The following RSPH10B variants were observed in gnomAD, a reference collection of about 807,000 sequenced individuals.
RSPH10B encodes radial spoke head 10 homolog B, also known as radial spoke head 10 homolog B (Chlamydomonas).
In RSPH10B, 7 loss-of-function variants were observed where a neutral mutation model predicts 52.5. The observed-to-expected ratio is 0.13, with a 90% CI of 0.08 to 0.25. RSPH10B has a LOEUF of 0.25. Among genes scored for constraint, RSPH10B ranks in the 10% least tolerant of loss-of-function variants. The pLI is 1.00. For missense variants in RSPH10B, 89 were observed against 542.5 expected (o/e 0.16, Z 8.30); for synonymous variants, 28 against 193.2 (o/e 0.14, Z 7.09).
intron 13 of RSPH10B, among the ~76,000 whole-genome samples, chr7:5,942,926 A>ATATT (rs1491308180): frequency 9.2e-5 from 13 of 141,046 alleles, no homozygotes; most frequent in African/African-American, 2.9e-4. Context: ...ATATATATAT[A>ATATT]TTTTTTTTTA....
intron 17 of RSPH10B, among the ~76,000 whole-genome samples, chr7:5,931,849 T>G (rs1322691110): frequency 6.0e-5 from 9 of 150,672 alleles, no homozygotes; most frequent in African/African-American, 1.9e-4. Flanking sequence ...AAATACAAGG[T>G]GCAGTGATGG....
chr7:5,944,879 C>T (rs1780409004), intron 11 of RSPH10B, among the ~76,000 whole-genome samples, 185 bp downstream of exon 13: 3 of 147,616 alleles, frequency 2.0e-5, no homozygotes, highest in Non-Finnish European at 4.5e-5. Context: ...AGAAGAATTG[C>T]TTGAACCGGG....
intron 13 of RSPH10B, among the ~76,000 whole-genome samples, chr7:5,940,488 C>G (rs1248059419): frequency 7.6e-4 from 3 of 3,938 alleles, no homozygotes; most frequent in African/African-American, 2.9e-3. Flanking sequence ...GGAGACAGAG[C>G]AAGACTCCAT....
intron 17 of RSPH10B, among the ~76,000 whole-genome samples, chr7:5,931,894 C>G (rs1217656066): frequency 6.6e-6 from 1 of 151,100 alleles, no homozygotes; most frequent in Non-Finnish European, 1.5e-5. Flanking sequence ...GAGGCTGAGG[C>G]AGGAGAATCA....
At chr7:5,927,068 A>ATTGTG (rs1162615266) in intron 18 of RSPH10B, among the ~76,000 whole-genome samples, 1 of 54,860 alleles carries the variant, frequency 1.8e-5, no homozygotes, top group African/African-American at 8.3e-5. Context: ...GTGTGTGTGT[A>ATTGTG]TATGTGTGTG....
chr7:5,927,096 G>GTGTT (rs1458352331), intron 18 of RSPH10B, among the ~76,000 whole-genome samples: 2 of 140,044 alleles, frequency 1.4e-5, no homozygotes, highest in African/African-American at 2.7e-5. Flanking sequence ...GTGTGTGTGT[G>GTGTT]TATTTTTTTT....
At chr7:5,941,851 G>A (rs189927764) in intron 13 of RSPH10B, among the ~76,000 whole-genome samples, 303 of 146,188 alleles carry the variant, frequency 2.1e-3, no homozygotes, top group African/African-American at 7.2e-3. Flanking sequence ...TTCCTTTTTC[G>A]ATAAACTGTA....
intron 13 of RSPH10B, among the ~76,000 whole-genome samples, chr7:5,942,878 A>G (rs1250277294): frequency 7.1e-6 from 1 of 140,924 alleles, no homozygotes; most frequent in Non-Finnish European, 1.5e-5. Flanking sequence ...AATAAAATTA[A>G]AAATATATAT....
chr7:5,941,329 T>TA (rs1780173826), intron 13 of RSPH10B, among the ~76,000 whole-genome samples: 1 of 141,846 alleles, frequency 7.0e-6, no homozygotes, highest in Admixed American at 7.3e-5. Context: ...TTCCTATAGT[T>TA]AGACACTAGG....
intron 13 of RSPH10B, among the ~76,000 whole-genome samples, chr7:5,942,668 C>T (rs1320891073): frequency 1.3e-5 from 2 of 149,496 alleles, no homozygotes; most frequent in African/African-American, 5.0e-5. Context: ...TCAAGACCAG[C>T]CTGGGCAACA....
rs1256136718 is a variant in RSPH10B, at chr7:5,960,412, C to CA, written c.573+278dup. Among the ~76,000 whole-genome samples the CA allele has an allele frequency of 9.1e-4, 50 of 55,246 alleles. 1 individual carries two copies. Among genetic ancestry groups the CA allele is most frequent in the Non-Finnish European group, 9.1e-4 (23 of 25,336 alleles). The allele number at this position is 55,246 out of a possible 152,430, so 36.2% of individuals were successfully genotyped here. The stretch of plus-strand genomic sequence containing the variant: ...TGGGCGACAGAGCAAGACTCCATCT[C>CA]AAAAAAAAAAAAAATTAATAAAATG... On this transcript the variant is annotated intron_variant, in intron 4 of 18. Transcript: ENST00000337579.
intron 13 of RSPH10B, among the ~76,000 whole-genome samples, chr7:5,942,170 A>G (rs1780229230): frequency 6.8e-6 from 1 of 146,610 alleles, no homozygotes; most frequent in Non-Finnish European, 1.5e-5. Context: ...CTTCCTTTTT[A>G]AAAAGATTTC....
At chr7:5,931,278 G>A (rs1272855228) in intron 17 of RSPH10B, among the ~76,000 whole-genome samples, 1 of 150,302 alleles carries the variant, frequency 6.7e-6, no homozygotes. Context: ...CATGTGTGCC[G>A]ATGGGAATGA....
chr7:5,942,055 G>A (rs1780222541), intron 13 of RSPH10B, among the ~76,000 whole-genome samples: 1 of 149,518 alleles, frequency 6.7e-6, no homozygotes, highest in Non-Finnish European at 1.5e-5. Flanking sequence ...ACCATGCCTG[G>A]CTAATTTTTT....
exon 13 of RSPH10B, chr7:5,943,333 C>A (rs751887032): frequency 1.9e-6 from 3 of 1,555,004 alleles, no homozygotes; most frequent in Non-Finnish European, 2.6e-6. Context: ...CTTTCAGCAT[C>A]CAGAGGAAGT....
chr7:5,928,569 G>T (rs1411169654), intron 17 of RSPH10B, among the ~76,000 whole-genome samples, 175 bp from the exon 20 acceptor site: 1 of 151,134 alleles, frequency 6.6e-6, no homozygotes, highest in Non-Finnish European at 1.5e-5. Context: ...CAGGGGCTCA[G>T]CAGACCCTGG....
At chr7:5,954,863 A>G (rs1780690456) in intron 7 of RSPH10B, among the ~76,000 whole-genome samples, 1 of 76,850 alleles carries the variant, frequency 1.3e-5, no homozygotes, top group Admixed American at 1.5e-4. Context: ...ATAGGAAATC[A>G]ATGACCATTG....
At chr7:5,927,064 G>GTGTGGGTGTGTA (rs1779504888) in intron 18 of RSPH10B, among the ~76,000 whole-genome samples, 1 of 103,814 alleles carries the variant, frequency 9.6e-6, no homozygotes, top group Admixed American at 1.0e-4. Flanking sequence ...GTGTGTGTGT[G>GTGTGGGTGTGTA]TGTATATGTG....
At chr7:5,944,346 C>A (rs1342102117) in intron 11 of RSPH10B, among the ~76,000 whole-genome samples, 4 of 150,510 alleles carry the variant, frequency 2.7e-5, no homozygotes, top group African/African-American at 4.9e-5. Flanking sequence ...TGCAGTGAGC[C>A]GAGATCGCGC....
Sources: gnomAD v4.1 joint callset for allele counts (sites outside exome capture counted in the v4.1 genomes callset) on GRCh38, gnomAD v4.1.1 for gene constraint, MANE v1.5 for transcripts, NCBI Gene and HGNC (gene_info 2026-07-23, HGNC 2026-07-21) for gene names.